Variants in PGLYRP4 observed in about 807,000 individuals in gnomAD.
PGLYRP4 encodes the protein peptidoglycan recognition protein 4.
A neutral mutation model predicts 41.2 loss-of-function variants in PGLYRP4; 39 were observed. The ratio of observed to expected loss-of-function variants is 0.95; its 90% CI spans 0.73 to 1.24. The LOEUF is 1.24. PGLYRP4 is among the 50% of genes most tolerant of loss of function. The probability of loss-of-function intolerance (pLI) is 0.00; values close to 1 mark genes in which losing one functional copy is unlikely to be tolerated. For synonymous variants in PGLYRP4, 202 were observed against 186.8 expected, an observed-to-expected ratio of 1.08 and a Z score of -0.66; for missense variants, 467 against 460.7, an observed-to-expected ratio of 1.01 and a Z score of -0.13.
At chr1:153,341,818 TGA>T (rs1660816467) in intron 5 of PGLYRP4, 39 bp from the exon 6 acceptor site, 3 of 1,588,650 alleles carry the variant, frequency 1.9e-6, no homozygotes, top group Non-Finnish European at 1.7e-6. Flanking sequence ...CCACCCAGCC[TGA>T]GTTTCAGGGG....
intron 4 of PGLYRP4, among the ~76,000 whole-genome samples, chr1:153,343,820 G>A (rs1660895440): frequency 6.6e-6 from 1 of 152,152 alleles, no homozygotes; most frequent in Admixed American, 6.5e-5. Flanking sequence ...CAAGCAGCCA[G>A]AAAGAGCAGA....
chr1:153,331,202 G>T (rs545577505), intron 8 of PGLYRP4, among the ~76,000 whole-genome samples: 4 of 152,298 alleles, frequency 2.6e-5, no homozygotes, highest in African/African-American at 9.6e-5. Context: ...AGTTTAGCCT[G>T]GTAGTTCTTT....
chr1:153,342,986 A>C (rs1660859127), intron 5 of PGLYRP4, 104 bp downstream of exon 5: 3 of 365,554 alleles, frequency 8.2e-6, no homozygotes, highest in African/African-American at 9.1e-5. Flanking sequence ...GAAGTATGAG[A>C]AGGATAAGAC....
intron 8 of PGLYRP4, among the ~76,000 whole-genome samples, chr1:153,336,243 T>C (rs1290106533): frequency 6.6e-6 from 1 of 151,398 alleles, no homozygotes. Flanking sequence ...TGGTGGCATA[T>C]GCCTGTAGTC....
At chr1:153,338,480 A>G (rs1660660234) in intron 7 of PGLYRP4, among the ~76,000 whole-genome samples, 2 of 152,214 alleles carry the variant, frequency 1.3e-5, no homozygotes, top group Admixed American at 1.3e-4. Flanking sequence ...CTAAAATACA[A>G]ATCTTACTAT....
intron 1 of PGLYRP4, 68 bp from the exon 2 acceptor site, chr1:153,348,046 G>T: frequency 1.2e-6 from 1 of 833,624 alleles, no homozygotes; most frequent in Non-Finnish European, 1.9e-6. Context: ...AACCCTGACT[G>T]CAGTGGGTGC....
intron 8 of PGLYRP4, among the ~76,000 whole-genome samples, chr1:153,334,464 T>TATA (rs1553197034): frequency 6.8e-4 from 39 of 57,150 alleles, no homozygotes; most frequent in South Asian, 4.1e-3. Context: ...ATATATATAT[T>TATA]TATTTATATA....
chr1:153,336,993 G>C (rs768239886), intron 8 of PGLYRP4, among the ~76,000 whole-genome samples, 188 bp downstream of exon 8: 21 of 152,234 alleles, frequency 1.4e-4, no homozygotes, highest in Non-Finnish European at 2.9e-4. Context: ...GGTAGATATA[G>C]GGTGAGCATT....
At position 153,347,891 on chromosome 1, in the gene PGLYRP4, C is replaced by T. The variant is rs999178936; in HGVS notation, c.42G>A (p.Gln14=). Reference sequence around the variant, plus strand: ...CAGGGAAAGAAAACTTACCCCAGGCCTGGATACCCAGAGCAGAGAAGACAA... The same window carrying T: ...CAGGGAAAGAAAACTTACCCCAGGCTTGGATACCCAGAGCAGAGAAGACAA... The part of the protein sequence containing the change: ...WLLVFSALGI[Q]AWGDSSWNKT... Residue 14 remains glutamine (Q), a synonymous_variant, in exon 2 of 9, where the codon CAG becomes CAA. Transcript: ENST00000359650. 6.2e-7 allele frequency: 1 copy of T among 1,613,102 alleles called. No individual in the cohort carries two copies. Among genetic ancestry groups the T allele is most frequent in the Non-Finnish European group, 8.5e-7 (1 of 1,179,182 alleles).
In PGLYRP4 at chr1:153,348,638, CCTT is replaced by C. The variant is rs1386004450; in HGVS notation, c.-160_-158del. 1 of 153,080 alleles carries C rather than the reference CCTT, an allele frequency of 6.5e-6. No individual in the cohort carries two copies. The highest frequency in any genetic ancestry group is 2.4e-5 in the African/African-American group (1 of 41,470). The allele number at this position is 153,080 out of a possible 1,614,324, so 9.5% of individuals were successfully genotyped here. A position where few individuals can be genotyped will look rare whatever the true frequency, so the allele number is the denominator to read the frequency against. ...TCCAGACTTGGCCTCCAGGCCCTGC[CCTT>C]CTTCACCAACTGGCGCCTTCTCCTC... On this transcript the variant is annotated 5_prime_UTR_variant, in exon 1 of 9. Coordinates refer to ENST00000359650, the MANE Select transcript of PGLYRP4 (RefSeq NM_020393.4).
At chr1:153,336,152 C>T (rs182913407) in intron 8 of PGLYRP4, among the ~76,000 whole-genome samples, 2 of 151,720 alleles carry the variant, frequency 1.3e-5, no homozygotes, top group East Asian at 1.9e-4. Flanking sequence ...ACGGGAGGAT[C>T]ATGAGGTCAG....
chr1:153,330,590 T>A lies in PGLYRP4; in HGVS notation c.*177A>T. On this transcript the variant is annotated 3_prime_UTR_variant, in exon 9 of 9. Coordinates refer to ENST00000359650, the MANE Select transcript of PGLYRP4 (RefSeq NM_020393.4). ...GCTGTGAATGTCCAGCTATGAGGTTTGGAGGCCCTTGGAGGATGTTGGCAG... is the reference window on the plus strand; with the variant it reads ...GCTGTGAATGTCCAGCTATGAGGTTAGGAGGCCCTTGGAGGATGTTGGCAG... The A allele has an allele frequency of 2.0e-6, 1 of 503,790 alleles. No individual in the cohort carries two copies. The highest frequency in any genetic ancestry group is 3.6e-6 in the Non-Finnish European group (1 of 274,764). The allele number at this position is 503,790 out of a possible 1,614,324, so 31.2% of individuals were successfully genotyped here.
chr1:153,346,230 A>G (rs777754467), intron 2 of PGLYRP4, 39 bp from the exon 3 acceptor site: 3 of 1,469,330 alleles, frequency 2.0e-6, no homozygotes, highest in South Asian at 1.1e-5. Flanking sequence ...GAGAGCACCA[A>G]TACCAGCCAT....
intron 2 of PGLYRP4, among the ~76,000 whole-genome samples, chr1:153,347,656 G>A (rs922787889): frequency 2.6e-5 from 4 of 151,996 alleles, no homozygotes; most frequent in Non-Finnish European, 5.9e-5. Flanking sequence ...ACAAGCATAA[G>A]CCACCACCCC....
chr1:153,346,044 A>G (rs1660994751), intron 3 of PGLYRP4, 58 bp downstream of exon 3: 1 of 1,271,000 alleles, frequency 7.9e-7, no homozygotes, highest in African/African-American at 1.5e-5. Context: ...AACATTTCCG[A>G]TCACATGAAA....
Position 153,345,193 on chromosome 1 carries a change from T to C in PGLYRP4, c.329A>G (p.Asn110Ser). The C allele has an allele frequency of 1.2e-6, 2 of 1,612,270 alleles. No homozygotes were observed. The highest frequency in any genetic ancestry group is 1.1e-5 in the South Asian group (1 of 91,078). ...CTTGTAGGCCACATCACACCCACTG[T>C]TGTTGTGGACATGATGGGCCTGCAG... ...RELQAHHVHN[N>S]SGCDVAYNFL... Residue 110 changes from asparagine to serine, a missense_variant, in exon 4 of 9, where the codon AAC (asparagine) becomes AGC (serine). By Grantham distance (46) the Asn-to-Ser change is conservative. Transcript: ENST00000359650.
chr1:153,346,282 C>A, intron 2 of PGLYRP4, 91 bp from the exon 3 acceptor site: 1 of 931,012 alleles, frequency 1.1e-6, no homozygotes, highest in East Asian at 2.4e-5. Flanking sequence ...CATCCCCTCT[C>A]CACTGCCCCT....
chr1:153,332,144 A>G lies in PGLYRP4; in HGVS notation c.944-1199T>C, dbSNP rs540559392. On this transcript the variant is annotated intron_variant, in intron 8 of 8. Transcript: ENST00000359650. ...AAGATATTTCATGTAAATGGAAACC[A>G]AAAAGGAGGAGGAGTTGCTACACTA... Among the ~76,000 whole-genome samples the G allele has an allele frequency of 7.2e-5, 11 of 152,312 alleles. No homozygotes were observed. In the South Asian group the frequency reaches 8.3e-4, roughly 11 times the overall value.
chr1:153,338,829 C>A (rs1268195638), intron 7 of PGLYRP4, among the ~76,000 whole-genome samples: 1 of 152,152 alleles, frequency 6.6e-6, no homozygotes, highest in African/African-American at 2.4e-5. Flanking sequence ...TCCCGTCTAC[C>A]CTCCATGTGT....
Sources: allele counts gnomAD v4.1 joint callset (sites outside exome capture counted in the v4.1 genomes callset), GRCh38; gene constraint gnomAD v4.1.1; transcripts MANE v1.5; gene names NCBI Gene and HGNC (gene_info 2026-07-23, HGNC 2026-07-21).